The following MCPH1 variants were observed in gnomAD, a reference collection of about 807,000 sequenced individuals.
MCPH1 encodes microcephalin.
Under a neutral mutation model 84.5 loss-of-function variants are expected in MCPH1, and 104 were observed. The observed-to-expected ratio is 1.23, with a 90% CI of 1.05 to 1.45. MCPH1 has a LOEUF of 1.45. MCPH1 is among the 40% of genes most tolerant of loss of function. The pLI is 0.00. For missense variants in MCPH1, 1,498 were observed against 1,005.7 expected (o/e 1.49, Z -6.62); for synonymous variants, 514 against 366.8 (o/e 1.40, Z -4.58).
In MCPH1 at chr8:6,602,272, T is replaced by G. The variant is rs546393555; in HGVS notation, c.2215-19182T>G. The stretch of plus-strand genomic sequence containing the variant: ...CACCAAGAGCAGGGCGGTGCACACT[T>G]TGTCTGGCACGGGCTGGAGCAGGAG... On this transcript the variant is annotated intron_variant, in intron 12 of 13. Coordinates refer to ENST00000344683, the MANE Select transcript of MCPH1 (RefSeq NM_024596.5). Among the ~76,000 whole-genome samples, 262 of 152,272 alleles carry G rather than the reference T, an allele frequency of 1.7e-3. 5 individuals carry two copies. Among genetic ancestry groups the G allele is most frequent in the African/African-American group, 5.7e-3 (236 of 41,544 alleles).
intron 3 of MCPH1, among the ~76,000 whole-genome samples, chr8:6,427,633 G>A (rs567520372): frequency 2.0e-5 from 3 of 151,774 alleles, no homozygotes; most frequent in African/African-American, 4.8e-5. Flanking sequence ...TCCTACCTCC[G>A]CCTCCCAAAA....
At chr8:6,567,460 A>T (rs950538220) in intron 12 of MCPH1, among the ~76,000 whole-genome samples, 1 of 152,236 alleles carries the variant, frequency 6.6e-6, no homozygotes, top group Non-Finnish European at 1.5e-5. Flanking sequence ...GGCTGCTTAC[A>T]GGGGCTTACT....
intron 12 of MCPH1, chr8:6,617,277 G>GTTTTTTTTTTT (rs71213326): frequency 1.0e-4 from 12 of 114,640 alleles, no homozygotes; most frequent in East Asian, 5.4e-4. Context: ...TGTTTTTTTT[G>GTTTTTTTTTTT]TTTTTTTTTT....
chr8:6,446,298 C>T lies in MCPH1; in HGVS notation c.1825+751C>T, dbSNP rs540932097. 9.3e-5 allele frequency: 92 copies of T among 985,200 alleles called. 1 individual carries two copies. The highest frequency in any genetic ancestry group is 1.0e-4 in the Non-Finnish European group (87 of 829,762). 61.0% of individuals were successfully genotyped at this position (985,200 alleles called of 1,614,324 possible). ...AAATTGAAGAAATCTTGAACTTTGA[C>T]CGTCTTTACCTAAAGATTAGGTTAA... On this transcript the variant is annotated intron_variant, in intron 8 of 13. Transcript: ENST00000344683.
chr8:6,609,819 G>GCCCCCCCCCCCCCCCCCC (rs11280683), intron 12 of MCPH1, among the ~76,000 whole-genome samples: 3 of 104,022 alleles, frequency 2.9e-5, no homozygotes, highest in Admixed American at 9.4e-5. Context: ...AATGCCCCCC[G>GCCCCCCCCCCCCCCCCCC]CCCCCCCCCC....
chr8:6,625,984 A>C (rs1054558032), intron 13 of MCPH1: 59 of 985,124 alleles, frequency 6.0e-5, no homozygotes, highest in Non-Finnish European at 6.9e-5. Flanking sequence ...AGGGAAAGGA[A>C]GGTGGGTACT....
chr8:6,634,458 C>T (rs1440941577), intron 13 of MCPH1, among the ~76,000 whole-genome samples: 1 of 152,004 alleles, frequency 6.6e-6, no homozygotes, highest in Non-Finnish European at 1.5e-5. Flanking sequence ...ACGGGACAGC[C>T]CCTACAGGAA....
intron 7 of MCPH1, among the ~76,000 whole-genome samples, chr8:6,444,090 A>G (rs1271435631): frequency 6.6e-6 from 1 of 152,214 alleles, no homozygotes; most frequent in Non-Finnish European, 1.5e-5. Context: ...GTGACAAACT[A>G]TGGATGCTCT....
intron 12 of MCPH1, among the ~76,000 whole-genome samples, chr8:6,526,975 G>A (rs757393007): frequency 2.0e-5 from 3 of 152,130 alleles, no homozygotes; most frequent in Non-Finnish European, 4.4e-5. Context: ...TTTATCGTGT[G>A]TTTGAAGAGG....
At chr8:6,470,403 C>T (rs1029537339) in intron 9 of MCPH1, among the ~76,000 whole-genome samples, 1 of 152,162 alleles carries the variant, frequency 6.6e-6, no homozygotes, top group Non-Finnish European at 1.5e-5. Context: ...CCTACCTCAG[C>T]CTCCTGAGTA....
chr8:6,513,785 A>G, intron 12 of MCPH1: 1 of 1,614,070 alleles, frequency 6.2e-7, no homozygotes. Flanking sequence ...GTTGCTGATT[A>G]GTCAGTTGCG....
intron 9 of MCPH1, among the ~76,000 whole-genome samples, chr8:6,463,295 C>T (rs1390386484): frequency 1.3e-5 from 2 of 152,174 alleles, no homozygotes; most frequent in Admixed American, 6.5e-5. Flanking sequence ...TCGAGAGATG[C>T]TTTCCTCATC....
At chr8:6,623,361 T>C (rs184610220) in intron 13 of MCPH1, among the ~76,000 whole-genome samples, 2 of 152,048 alleles carry the variant, frequency 1.3e-5, no homozygotes, top group South Asian at 4.1e-4. Context: ...TCAATCTCTC[T>C]CTCTCTCTCC....
intron 12 of MCPH1, among the ~76,000 whole-genome samples, chr8:6,546,961 G>T (rs1822699899): frequency 6.6e-6 from 1 of 152,188 alleles, no homozygotes; most frequent in African/African-American, 2.4e-5. Context: ...CAAGCTGGCT[G>T]GTTAGTCCTG....
intron 9 of MCPH1, 142 bp downstream of exon 9, chr8:6,455,394 C>G: frequency 1.5e-6 from 1 of 681,914 alleles, no homozygotes; most frequent in Non-Finnish European, 2.6e-6. Flanking sequence ...CTGGAAAACT[C>G]AGAATATGAA....
At chr8:6,431,625 AATTT>A (rs769978600) in intron 4 of MCPH1, 39 bp downstream of exon 4, 1 of 1,341,934 alleles carries the variant, frequency 7.5e-7, no homozygotes, top group South Asian at 1.2e-5. Flanking sequence ...GGCAATTAGG[AATTT>A]ATTCGTTTTT....
chr8:6,510,345 C>G (rs1468011847), intron 12 of MCPH1, among the ~76,000 whole-genome samples: 1 of 152,114 alleles, frequency 6.6e-6, no homozygotes, highest in Non-Finnish European at 1.5e-5. Flanking sequence ...GCCTACAAAG[C>G]AAATCCTGCA....
intron 9 of MCPH1, among the ~76,000 whole-genome samples, chr8:6,465,610 C>G (rs1413607083): frequency 6.6e-6 from 1 of 152,076 alleles, no homozygotes; most frequent in Non-Finnish European, 1.5e-5. Context: ...TGTGGCTGGA[C>G]GCATCTTCTG....
intron 10 of MCPH1, 49 bp from the exon 11 acceptor site, chr8:6,480,665 A>G (rs756366711): frequency 8.1e-6 from 13 of 1,607,906 alleles, no homozygotes; most frequent in Admixed American, 3.3e-5. Context: ...TTTGATGGGC[A>G]TGTGCAACAA....
Sources: allele counts gnomAD v4.1 joint callset (sites outside exome capture counted in the v4.1 genomes callset), GRCh38; gene constraint gnomAD v4.1.1; transcripts MANE v1.5; gene names NCBI Gene and HGNC (gene_info 2026-07-23, HGNC 2026-07-21).